MYH7B: variants seen among roughly 807,000 people sequenced by gnomAD.
The protein encoded by MYH7B is myosin heavy chain 7B, also known as myosin-7B.
A neutral mutation model predicts 234.5 loss-of-function variants in MYH7B; 205 were observed. The observed-to-expected ratio is 0.87, with a 90% CI of 0.78 to 0.98. The LOEUF is 0.98. Among genes scored for constraint, MYH7B ranks in the 50% least tolerant of loss-of-function variants. MYH7B has a pLI of 0.00. For missense variants in MYH7B, 2,652 were observed against 2,633.4 expected, an observed-to-expected ratio of 1.01 and a Z score of -0.15; for synonymous variants, 1,193 against 1,105.0, an observed-to-expected ratio of 1.08 and a Z score of -1.58.
Position 35,001,307 on chromosome 20 carries a change from C to T in MYH7B, c.5538C>T (p.Gly1846=), listed in dbSNP as rs745665276. The change falls in exon 42 of 45, where the codon GGC becomes GGT. Residue 1846 remains glycine, a synonymous_variant. Transcript: ENST00000262873. Reference sequence around the variant, plus strand: ...AGAAGCACGCCGAGGCCCTTAAGGGCGTGCGCAAGCATGAGCGCCGTGTCA... The same window carrying T: ...AGAAGCACGCCGAGGCCCTTAAGGGTGTGCGCAAGCATGAGCGCCGTGTCA... 23 of 1,612,396 alleles carry T rather than the reference C, an allele frequency of 1.4e-5. No individual in the cohort carries two copies. The highest frequency in any genetic ancestry group is 1.6e-5 in the Non-Finnish European group (19 of 1,179,464).
intron 29 of MYH7B, 23 bp from the exon 30 acceptor site, chr20:34,996,590 C>G (rs562585982): frequency 6.2e-7 from 1 of 1,606,544 alleles, no homozygotes; most frequent in South Asian, 1.1e-5. Context: ...CCATGGCTGA[C>G]CCCTGCTGTG....
exon 39 of MYH7B, chr20:35,000,689 G>T (rs1373638233): frequency 6.3e-7 from 1 of 1,595,390 alleles, no homozygotes; most frequent in African/African-American, 1.3e-5. Flanking sequence ...TGCATTCGCA[G>T]GTGGGGACAG....
chr20:34,984,529 C>T (rs1460955605), intron 10 of MYH7B, among the ~76,000 whole-genome samples, 163 bp from the exon 11 acceptor site: 1 of 152,162 alleles, frequency 6.6e-6, no homozygotes, highest in African/African-American at 2.4e-5. Context: ...CTAACAGCTG[C>T]AGGAGGGTCA....
At chr20:34,997,588 G>C (rs375322250) in exon 32 of MYH7B, 16 of 1,613,436 alleles carry the variant, frequency 9.9e-6, no homozygotes, top group Non-Finnish European at 1.4e-5. Flanking sequence ...AGTGAGCTGC[G>C]CATGGAGGTG....
intron 4 of MYH7B, 84 bp downstream of exon 4, chr20:34,977,764 G>A: frequency 1.3e-6 from 2 of 1,503,686 alleles, no homozygotes; most frequent in Non-Finnish European, 9.1e-7. Flanking sequence ...GTGGCCGCGA[G>A]TCTTCTGAAT....
chr20:34,979,425 G>T (rs757047463), exon 6 of MYH7B: 2 of 1,613,816 alleles, frequency 1.2e-6, no homozygotes, highest in Non-Finnish European at 1.7e-6. Context: ...TGAACAGGAC[G>T]CCTACGTGGA....
exon 10 of MYH7B, chr20:34,982,531 G>A (rs770432839): frequency 1.9e-6 from 3 of 1,610,198 alleles, no homozygotes; most frequent in Admixed American, 1.7e-5. Context: ...TCGCTGCCCT[G>A]GGAGACGGGC....
At chr20:34,997,592 G>A (rs2082287333) in exon 32 of MYH7B, 2 of 1,613,626 alleles carry the variant, frequency 1.2e-6, no homozygotes, top group African/African-American at 1.3e-5. Flanking sequence ...AGCTGCGCAT[G>A]GAGGTGGACG....
intron 7 of MYH7B, chr20:34,980,324 G>T: frequency 2.4e-6 from 1 of 416,670 alleles, no homozygotes; most frequent in East Asian, 4.3e-5. Flanking sequence ...CAAGGCGGGC[G>T]GATCACCTGA....
chr20:34,981,768 C>G (rs1600425133), intron 9 of MYH7B: 1 of 144,662 alleles, frequency 6.9e-6, no homozygotes, highest in African/African-American at 2.6e-5. Context: ...AGGAGAATTG[C>G]TTGAACCCAG....
intron 24 of MYH7B, among the ~76,000 whole-genome samples, chr20:34,991,354 G>A (rs935002460): frequency 1.3e-5 from 2 of 152,202 alleles, no homozygotes; most frequent in African/African-American, 2.4e-5. Context: ...TACAGGCCTC[G>A]CTGATAAGCT....
Position 35,000,987 on chromosome 20 carries a change from G to T in MYH7B, c.5305-1G>T, listed in dbSNP as rs899809863. ...CCTGACCAGCTCCTCCTCCCCAACA[G>T]GCGGCCATGATGGCCGAGGAGCTGA... On this transcript the variant is annotated splice_acceptor_variant, in intron 40 of 44. Coordinates refer to ENST00000262873, the Ensembl canonical transcript of MYH7B. LOFTEE classifies it high-confidence loss of function. 3.0e-5 allele frequency: 49 copies of T among 1,613,740 alleles called. No individual in the cohort carries two copies. The Admixed American group carries it at 7.3e-4, about 24-fold the overall frequency.
At chr20:34,977,738 G>GGGGGGGT in intron 4 of MYH7B, 58 bp downstream of exon 4, 1 of 317,148 alleles carries the variant, frequency 3.2e-6, no homozygotes, top group Admixed American at 5.5e-5. Context: ...GGGCGGGTGG[G>GGGGGGGT]TGAGGGTGCC....
exon 32 of MYH7B, chr20:34,997,517 G>T: frequency 1.9e-6 from 3 of 1,600,768 alleles, no homozygotes; most frequent in Non-Finnish European, 1.7e-6. Context: ...AGGGCGCGGC[G>T]GAGCTGGGGG....
At position 34,993,328 on chromosome 20, in the gene MYH7B, C is replaced by T. The variant is rs570762602; in HGVS notation, c.2308-6C>T. The T allele has an allele frequency of 9.9e-6, 16 of 1,614,104 alleles. No individual in the cohort carries two copies. In the East Asian group the frequency reaches 3.3e-4, roughly 34 times the overall value. ...TTACCCTGGCTGTCTACCTCTCCGCCCCCAGGTGTTCTTCAAGGCTGGGCT... is the reference window on the plus strand; with the variant it reads ...TTACCCTGGCTGTCTACCTCTCCGCTCCCAGGTGTTCTTCAAGGCTGGGCT... On this transcript the variant is annotated splice_polypyrimidine_tract_variant and splice_region_variant and intron_variant, in intron 25 of 44. Transcript: ENST00000262873.
rs764365215 is a variant in MYH7B, at chr20:34,985,063, C to G, written c.742-3C>G. On this transcript the variant is annotated splice_polypyrimidine_tract_variant and splice_region_variant and intron_variant, in intron 12 of 44. Transcript: ENST00000262873. ...TGGCTGAGGGCTGCCCCTCTGCCCA[C>G]AGGGCAAGTTCATCCGCATTCACTT... The G allele has an allele frequency of 6.2e-7, 1 of 1,614,102 alleles. No homozygotes were observed. Among genetic ancestry groups the G allele is most frequent in the Non-Finnish European group, 8.5e-7 (1 of 1,179,946 alleles).
At chr20:34,988,146 T>C in exon 19 of MYH7B, 1 of 1,614,134 alleles carries the variant, frequency 6.2e-7, no homozygotes, top group Non-Finnish European at 8.5e-7. Context: ...ATTGCAGCAG[T>C]TCTTCAACCA....
In MYH7B at chr20:35,002,010, G is replaced by A. The variant is rs201495843; in HGVS notation, c.5739G>A (p.Ala1913=). 1.7e-5 allele frequency: 27 copies of A among 1,614,076 alleles called. No homozygotes were observed. Among genetic ancestry groups the A allele is most frequent in the African/African-American group, 4.0e-5 (3 of 75,056 alleles). The change falls in exon 44 of 45, where the codon GCG becomes GCA. Residue 1913 remains alanine, a synonymous_variant. Transcript: ENST00000262873. ...AGGCCCAGCACGAGCTGGATGATGC[G>A]GAGGAGCGGGCAGACATGGCGGAAA...
rs568840401 is a variant in MYH7B, at chr20:34,995,429, C to T, written c.2794C>T (p.Arg932Trp). ...GGGGAAGGTGAAGGAGCTGAGTGAG[C>T]GGCTGGAGGATGAGGAGGAGGTGAA... is the stretch of plus-strand genomic sequence containing the variant. Residue 932 changes from arginine to tryptophan, a missense_variant, in exon 28 of 45, where the codon CGG (arginine) becomes TGG (tryptophan). By Grantham distance (101) the Arg-to-Trp change is moderately radical (BLOSUM62 -3). Coordinates refer to ENST00000262873, the Ensembl canonical transcript of MYH7B. The T allele has an allele frequency of 4.3e-6, 7 of 1,613,442 alleles. No individual in the cohort carries two copies. The East Asian group carries it at 8.9e-5, about 21-fold the overall frequency.
Sources: gnomAD v4.1 joint callset for allele counts (sites outside exome capture counted in the v4.1 genomes callset) on GRCh38, gnomAD v4.1.1 for gene constraint, MANE v1.5 for transcripts, NCBI Gene and HGNC (gene_info 2026-07-23, HGNC 2026-07-21) for gene names.